IDE: variants seen among roughly 807,000 people sequenced by gnomAD.
IDE encodes the protein insulin-degrading enzyme.
IDE carries 58 observed loss-of-function variants against 133.2 expected under a neutral mutation model. The ratio of observed to expected loss-of-function variants is 0.44; its 90% CI spans 0.35 to 0.54. The LOEUF (loss-of-function observed/expected upper bound fraction) is 0.54, where lower values mean the gene tolerates loss of function less well. Ranked by LOEUF, IDE falls within the 20% of genes least tolerant of loss-of-function variation. IDE has a pLI of 0.00. For synonymous variants in IDE, 396 were observed against 421.3 expected (o/e 0.94, Z 0.73); for missense variants, 981 against 1,234.0 (o/e 0.79, Z 3.07).
intron 10 of IDE, 68 bp downstream of exon 10, chr10:92,506,373 GA>G (rs1455027022): frequency 4.1e-6 from 3 of 723,268 alleles, no homozygotes; most frequent in African/African-American, 3.6e-5. Context: ...ACTTATTACT[GA>G]AAATATATGC....
chr10:92,508,213 A>AT lies in IDE; in HGVS notation c.1061-9dup. ...CAAGAGTATTAACCCAGCCTGCAAC[A>AT]TTCAAAGGAAATCAATACGATTGAT... is the stretch of plus-strand genomic sequence containing the variant. On this transcript the variant is annotated splice_polypyrimidine_tract_variant and intron_variant, in intron 7 of 24. Coordinates refer to ENST00000265986, the MANE Select transcript of IDE (RefSeq NM_004969.4). 3 of 1,606,232 alleles carry AT rather than the reference A, an allele frequency of 1.9e-6. No homozygotes were observed. The highest frequency in any genetic ancestry group is 2.6e-6 in the Non-Finnish European group (3 of 1,175,912).
intron 3 of IDE, 122 bp downstream of exon 3, chr10:92,534,456 G>A: frequency 1.5e-6 from 1 of 664,546 alleles, no homozygotes. Context: ...AAAACACAGG[G>A]AAAAACACTG....
At chr10:92,536,052 A>T (rs1246820277) in intron 2 of IDE, among the ~76,000 whole-genome samples, 1 of 151,480 alleles carries the variant, frequency 6.6e-6, no homozygotes, top group African/African-American at 2.4e-5. Flanking sequence ...AAAAAAAAAA[A>T]GAAGCAACCT....
At chr10:92,455,480 CAAAAACAAAAAACA>C (rs539613335) in intron 24 of IDE, 82 bp downstream of exon 24, 1 of 807,048 alleles carries the variant, frequency 1.2e-6, no homozygotes, top group African/African-American at 1.7e-5. Flanking sequence ...GACTCCATTT[CAAAAACAAAAAACA>C]AAAAACAAAA....
chr10:92,563,999 T>G (rs1843403698), intron 1 of IDE, among the ~76,000 whole-genome samples: 1 of 152,144 alleles, frequency 6.6e-6, no homozygotes, highest in South Asian at 2.1e-4. Flanking sequence ...TGGAAGCCAT[T>G]CAGGTCATCT....
intron 5 of IDE, among the ~76,000 whole-genome samples, chr10:92,513,970 T>C (rs1362599490): frequency 2.0e-5 from 3 of 152,132 alleles, no homozygotes; most frequent in Non-Finnish European, 4.4e-5. Context: ...GAATAGGAAA[T>C]GTTATTTTTC....
At chr10:92,570,014 G>T (rs1386654451) in intron 1 of IDE, among the ~76,000 whole-genome samples, 1 of 151,990 alleles carries the variant, frequency 6.6e-6, no homozygotes, top group African/African-American at 2.4e-5. Context: ...GGAGGCTGAG[G>T]CAGAAGAATC....
intron 15 of IDE, among the ~76,000 whole-genome samples, chr10:92,479,062 A>G (rs552454387): frequency 6.6e-6 from 1 of 152,350 alleles, no homozygotes; most frequent in East Asian, 1.9e-4. Flanking sequence ...AGACGTTTAA[A>G]AAAAAAGAAA....
intron 11 of IDE, 60 bp from the exon 12 acceptor site, chr10:92,490,655 A>G (rs1847289800): frequency 2.0e-6 from 2 of 990,512 alleles, no homozygotes; most frequent in Admixed American, 2.0e-5. Context: ...ATATGAATTT[A>G]AAGAACCTGA....
At chr10:92,524,516 T>TATATATTATATAATATATAAA (rs1849509386) in intron 4 of IDE, among the ~76,000 whole-genome samples, 1 of 47,064 alleles carries the variant, frequency 2.1e-5, no homozygotes, top group Admixed American at 4.3e-4. Context: ...TAATATATAA[T>TATATATTATATAATATATAAA]ATATATTATA....
intron 5 of IDE, among the ~76,000 whole-genome samples, chr10:92,510,805 A>G (rs954842451): frequency 1.3e-5 from 2 of 150,994 alleles, no homozygotes; most frequent in Non-Finnish European, 3.0e-5. Flanking sequence ...TATAGCACAT[A>G]CATATCACAT....
At chr10:92,523,231 A>C (rs1304542346) in intron 4 of IDE, among the ~76,000 whole-genome samples, 1 of 151,872 alleles carries the variant, frequency 6.6e-6, no homozygotes, top group Non-Finnish European at 1.5e-5. Flanking sequence ...AAATACAAAA[A>C]CTAGCCAGGT....
At chr10:92,557,235 G>A (rs555572255) in intron 1 of IDE, among the ~76,000 whole-genome samples, 8 of 152,176 alleles carry the variant, frequency 5.3e-5, no homozygotes, top group Admixed American at 2.6e-4. Flanking sequence ...CTGGCATCAG[G>A]ATAAACATAC....
chr10:92,526,363 A>G (rs1174897600), intron 4 of IDE, among the ~76,000 whole-genome samples: 1 of 152,152 alleles, frequency 6.6e-6, no homozygotes, highest in African/African-American at 2.4e-5. Context: ...CTTCACAGAA[A>G]TAGAAAAAAA....
Position 92,476,592 on chromosome 10 carries a change from G to T in IDE, c.1885-598C>A, listed in dbSNP as rs1404473265. Among the ~76,000 whole-genome samples the T allele has an allele frequency of 2.6e-5, 4 of 152,174 alleles. No homozygotes were observed. In the East Asian group the frequency reaches 7.7e-4, roughly 29 times the overall value. ...ACCTCCTGCCTCAGTCTCCCAAGTAGCTGGAACTATATGTGTGAGCCACAG... is the reference window on the plus strand; with the variant it reads ...ACCTCCTGCCTCAGTCTCCCAAGTATCTGGAACTATATGTGTGAGCCACAG... On this transcript the variant is annotated intron_variant, in intron 15 of 24. Transcript: ENST00000265986.
Position 92,508,097 on chromosome 10 carries a change from G to A in IDE, c.1153+16C>T, listed in dbSNP as rs908468330. On this transcript the variant is annotated intron_variant, in intron 8 of 24. Coordinates refer to ENST00000265986, the MANE Select transcript of IDE (RefSeq NM_004969.4). ...TAAATTTTCATTCAAAAGTAAAAAG[G>A]TGAATCAATACTTACATAATCCTTC... The A allele has an allele frequency of 1.3e-6, 2 of 1,545,630 alleles. No homozygotes were observed. The highest frequency in any genetic ancestry group is 1.4e-5 in the African/African-American group (1 of 73,114).
Position 92,534,630 on chromosome 10 carries a change from T to C in IDE, c.439A>G (p.Thr147Ala). 1 of 1,613,946 alleles carries C rather than the reference T, an allele frequency of 6.2e-7. No homozygotes were observed. The highest frequency in any genetic ancestry group is 8.5e-7 in the Non-Finnish European group (1 of 1,179,910). Residue 147 changes from threonine (T) to alanine (A), a missense_variant, in exon 3 of 25, where the codon ACC becomes GCC. Thr to Ala is a moderately conservative substitution (Grantham distance 58). Coordinates refer to ENST00000265986, the MANE Select transcript of IDE (RefSeq NM_004969.4). ...SSNAFTSGEH[T>A]NYYFDVSHEH... ...TGAGAAACATCAAAATAGTAATTGG[T>C]ATGCTCTCCACTAGTAAAGGCATTT...
chr10:92,560,927 G>T (rs1193175453), intron 1 of IDE, among the ~76,000 whole-genome samples: 2 of 151,956 alleles, frequency 1.3e-5, no homozygotes. Flanking sequence ...TCCTCACCTG[G>T]GTTCTAGACA....
At chr10:92,485,249 T>A (rs2135435407) in intron 13 of IDE, among the ~76,000 whole-genome samples, 1 of 149,416 alleles carries the variant, frequency 6.7e-6, no homozygotes, top group African/African-American at 2.5e-5. Flanking sequence ...TGCCTCAGCC[T>A]CCTGAGTAGC....
Sources: gnomAD v4.1 joint callset for allele counts (sites outside exome capture counted in the v4.1 genomes callset) on GRCh38, gnomAD v4.1.1 for gene constraint, MANE v1.5 for transcripts, NCBI Gene and HGNC (gene_info 2026-07-23, HGNC 2026-07-21) for gene names.